TYW1: variants seen among roughly 807,000 people sequenced by gnomAD.
The protein encoded by TYW1 is tRNA-yW synthesizing protein 1 homolog.
In TYW1, 46 loss-of-function variants were observed where a neutral mutation model predicts 96.2. The ratio of observed to expected loss-of-function variants is 0.48; its 90% confidence interval spans 0.38 to 0.61. The LOEUF (loss-of-function observed/expected upper bound fraction) is 0.61. Ranked by LOEUF, TYW1 falls within the 20% of genes least tolerant of loss-of-function variation. The pLI is 0.00. For missense variants in TYW1, 684 were observed against 909.6 expected (o/e 0.75, Z 3.19); for synonymous variants, 274 against 323.0 (o/e 0.85, Z 1.63).
chr7:67,071,214 T>C (rs1047279068), intron 10 of TYW1, among the ~76,000 whole-genome samples: 29 of 152,084 alleles, frequency 1.9e-4, no homozygotes, highest in Non-Finnish European at 2.9e-4. Context: ...TCAGGGTTTG[T>C]TTTTTATTGC....
intron 13 of TYW1, among the ~76,000 whole-genome samples, chr7:67,156,527 G>A (rs548293952): frequency 6.6e-6 from 1 of 152,144 alleles, no homozygotes; most frequent in African/African-American, 2.4e-5. Flanking sequence ...CACATGTTTT[G>A]GCTCTTTTCG....
At chr7:67,050,541 C>G (rs10268701) in intron 8 of TYW1, among the ~76,000 whole-genome samples, 36,469 of 151,956 alleles carry the variant, frequency 0.24, 4,634 homozygotes, top group African/African-American at 0.31. Context: ...CTCCCCACTT[C>G]CCCTCTATAT....
At chr7:67,032,464 C>CA (rs1306655106) in intron 7 of TYW1, among the ~76,000 whole-genome samples, 1 of 151,968 alleles carries the variant, frequency 6.6e-6, no homozygotes, top group Non-Finnish European at 1.5e-5. Context: ...ACCAAAAATA[C>CA]AAAAACAAAA....
intron 12 of TYW1, among the ~76,000 whole-genome samples, chr7:67,108,588 C>T (rs1367064016): frequency 8.6e-5 from 13 of 151,668 alleles, no homozygotes; most frequent in Non-Finnish European, 1.6e-4. Flanking sequence ...AATACCGGTG[C>T]GCGCCACCAC....
chr7:67,107,744 T>C (rs1002872714), intron 12 of TYW1, among the ~76,000 whole-genome samples: 26 of 151,360 alleles, frequency 1.7e-4, no homozygotes, highest in Admixed American at 1.3e-3. Context: ...TTTTTTTTTT[T>C]CTTCAGAGAC....
intron 7 of TYW1, among the ~76,000 whole-genome samples, chr7:67,032,889 T>G (rs76174443): frequency 0.035 from 2,548 of 72,424 alleles, 36 homozygotes; most frequent in East Asian, 0.11. Context: ...GTATACCTTT[T>G]TTTTTTTTTT....
At chr7:67,039,691 G>T (rs1226239066) in intron 7 of TYW1, among the ~76,000 whole-genome samples, 1 of 150,552 alleles carries the variant, frequency 6.6e-6, no homozygotes, top group Admixed American at 6.6e-5. Context: ...TTGAGACAGA[G>T]TCTCACTCTG....
At chr7:67,044,916 G>A (rs760189400) in intron 7 of TYW1, among the ~76,000 whole-genome samples, 2 of 152,074 alleles carry the variant, frequency 1.3e-5, no homozygotes, top group South Asian at 2.1e-4. Context: ...CACCACACCC[G>A]GCCAAGCCAA....
chr7:67,096,004 G>A (rs1401652290), intron 11 of TYW1, among the ~76,000 whole-genome samples: 6 of 152,200 alleles, frequency 3.9e-5, no homozygotes, highest in South Asian at 2.1e-4. Flanking sequence ...CAGACACTCC[G>A]CTAAGGCCTT....
In TYW1 at chr7:67,045,472, C is replaced by T. The variant is rs560998232; in HGVS notation, c.985-4477C>T. ...GGCTCAACCAGTCTTCCTGCCTTGG[C>T]CTCTAAAAGTCCTGGGTTTACAGGC... is the stretch of plus-strand genomic sequence containing the variant. On this transcript the variant is annotated intron_variant, in intron 7 of 15. Coordinates refer to ENST00000359626, the MANE Select transcript of TYW1 (RefSeq NM_018264.4). 5.3e-5 allele frequency among the ~76,000 whole-genome samples: 8 copies of T among 152,298 alleles called. No homozygotes were observed. In the East Asian group the frequency reaches 1.5e-3, roughly 29 times the overall value.
At chr7:67,081,776 CCTTTTCTTTTT>C (rs1796401539) in intron 10 of TYW1, among the ~76,000 whole-genome samples, 3 of 149,652 alleles carry the variant, frequency 2.0e-5, no homozygotes, top group Non-Finnish European at 3.0e-5. Context: ...TTCTTCTTTT[CCTTTTCTTTTT>C]CTTTTCTCCT....
At chr7:67,063,869 T>TG (rs35588489) in intron 9 of TYW1, among the ~76,000 whole-genome samples, 53,133 of 151,930 alleles carry the variant, frequency 0.35, 9,680 homozygotes, top group Middle Eastern at 0.41. Context: ...CCCAAAGTGC[T>TG]GGATTACAGG....
At chr7:67,224,428 A>G (rs569786338) in intron 15 of TYW1, among the ~76,000 whole-genome samples, 2 of 152,268 alleles carry the variant, frequency 1.3e-5, no homozygotes, top group East Asian at 1.9e-4. Flanking sequence ...TGCCCGGCCA[A>G]TACTTGTTTA....
intron 13 of TYW1, among the ~76,000 whole-genome samples, chr7:67,146,154 C>CT (rs1356319060): frequency 6.6e-6 from 1 of 152,082 alleles, no homozygotes; most frequent in Non-Finnish European, 1.5e-5. Flanking sequence ...ATGTGCATAA[C>CT]TTTATCTCCT....
At chr7:67,128,646 A>G (rs1372334869) in intron 13 of TYW1, among the ~76,000 whole-genome samples, 2 of 150,232 alleles carry the variant, frequency 1.3e-5, no homozygotes, top group South Asian at 2.1e-4. Flanking sequence ...GGTATGGTGT[A>G]TGGGGAGGGG....
chr7:67,013,513 C>T (rs1055935478), intron 4 of TYW1, among the ~76,000 whole-genome samples: 42 of 152,134 alleles, frequency 2.8e-4, no homozygotes, highest in African/African-American at 5.1e-4. Flanking sequence ...TCCTTGGAGA[C>T]TTCAGAGATT....
chr7:67,210,700 A>G (rs944370776), intron 15 of TYW1, among the ~76,000 whole-genome samples: 2 of 82,422 alleles, frequency 2.4e-5, no homozygotes, highest in South Asian at 4.1e-4. Context: ...TCGTCCATCC[A>G]TCCATCCATT....
intron 13 of TYW1, among the ~76,000 whole-genome samples, chr7:67,134,945 CAAAAAAAAAAAAA>C (rs55746054): frequency 6.8e-4 from 45 of 66,358 alleles, no homozygotes; most frequent in Non-Finnish European, 1.0e-3. Flanking sequence ...CTTTCTCTAC[CAAAAAAAAAAAAA>C]AAAAAAAAAA....
At chr7:67,200,097 C>T (rs1179443869) in intron 15 of TYW1, among the ~76,000 whole-genome samples, 1 of 152,200 alleles carries the variant, frequency 6.6e-6, no homozygotes, top group Non-Finnish European at 1.5e-5. Context: ...GGGAAAATGA[C>T]TGAAAATCAG....
Sources: allele counts gnomAD v4.1 joint callset (sites outside exome capture counted in the v4.1 genomes callset), GRCh38; gene constraint gnomAD v4.1.1; transcripts MANE v1.5; gene names NCBI Gene and HGNC (gene_info 2026-07-23, HGNC 2026-07-21).